Variants in INVS observed in about 807,000 individuals in gnomAD.
INVS encodes inversion of embryo turning homolog.
A neutral mutation model predicts 108.8 loss-of-function variants in INVS; 86 were observed. That is an observed-to-expected ratio of 0.79 (90% CI 0.66 to 0.95). The LOEUF (loss-of-function observed/expected upper bound fraction) is 0.95, where lower values mean the gene tolerates loss of function less well. Ranked by LOEUF, INVS falls within the 40% of genes least tolerant of loss-of-function variation. The pLI, the probability that INVS is intolerant of heterozygous loss-of-function variation, is 0.00. For missense variants in INVS, 1,169 were observed against 1,297.4 expected (o/e 0.90, Z 1.52); for synonymous variants, 455 against 473.5 (o/e 0.96, Z 0.51).
At chr9:100,134,189 T>C (rs1828150070) in intron 3 of INVS, among the ~76,000 whole-genome samples, 2 of 152,114 alleles carry the variant, frequency 1.3e-5, no homozygotes, top group Admixed American at 6.5e-5. Flanking sequence ...GAACATATGA[T>C]GTTTGGTTTT....
chr9:100,148,882 A>T (rs1200325626), intron 3 of INVS, among the ~76,000 whole-genome samples: 1 of 152,190 alleles, frequency 6.6e-6, no homozygotes, highest in African/African-American at 2.4e-5. Flanking sequence ...TATGAAAACA[A>T]CTTTAGATCT....
intron 9 of INVS, 108 bp from the exon 10 acceptor site, chr9:100,252,799 T>C (rs1832279351): frequency 2.5e-6 from 2 of 795,220 alleles, no homozygotes; most frequent in Non-Finnish European, 4.3e-6. Context: ...GTTTTTCTTC[T>C]ATTCATTTTA....
chr9:100,112,819 G>A (rs1393814803), intron 2 of INVS, among the ~76,000 whole-genome samples: 3 of 152,224 alleles, frequency 2.0e-5, no homozygotes, highest in African/African-American at 7.2e-5. Flanking sequence ...CAGAATGTGA[G>A]ATGGCCTCTG....
At chr9:100,139,840 G>A (rs1014282817) in intron 3 of INVS, among the ~76,000 whole-genome samples, 1 of 152,010 alleles carries the variant, frequency 6.6e-6, no homozygotes, top group South Asian at 2.1e-4. Context: ...CAGGGGTTTC[G>A]CCTTATTGCC....
At chr9:100,198,398 A>G (rs900817516) in intron 3 of INVS, among the ~76,000 whole-genome samples, 1 of 145,358 alleles carries the variant, frequency 6.9e-6, no homozygotes, top group African/African-American at 2.6e-5. Flanking sequence ...CCCGAGTTCA[A>G]GCGATTCTCC....
intron 3 of INVS, among the ~76,000 whole-genome samples, chr9:100,213,635 C>G (rs753167545): frequency 2.0e-5 from 3 of 152,072 alleles, no homozygotes; most frequent in Non-Finnish European, 1.5e-5. Context: ...TACGAGACTC[C>G]GCAGTCAGAG....
chr9:100,198,573 G>A (rs1404861069), intron 3 of INVS, among the ~76,000 whole-genome samples: 1 of 150,986 alleles, frequency 6.6e-6, no homozygotes, highest in African/African-American at 2.4e-5. Context: ...TTACAGACAT[G>A]AAGATGTGAG....
intron 3 of INVS, among the ~76,000 whole-genome samples, chr9:100,173,962 ATCTGCCTG>A (rs1588060559): frequency 6.6e-6 from 1 of 152,346 alleles, no homozygotes; most frequent in East Asian, 1.9e-4. Context: ...CAGCCAAGGT[ATCTGCCTG>A]CTAAAACAAA....
intron 1 of INVS, among the ~76,000 whole-genome samples, chr9:100,101,085 C>CAT (rs1048343895): frequency 5.7e-5 from 7 of 123,334 alleles, no homozygotes; most frequent in African/African-American, 1.3e-4. Context: ...CACACACACA[C>CAT]ATATATATAA....
intron 10 of INVS, among the ~76,000 whole-genome samples, chr9:100,253,409 G>T (rs1211287937): frequency 8.5e-6 from 1 of 117,256 alleles, no homozygotes; most frequent in Non-Finnish European, 2.0e-5. Context: ...ATAAATATAT[G>T]ATTTTCTTTT....
rs1015507237 is a variant in INVS at position 100,264,823 on chromosome 9, G to A, written c.1466G>A (p.Gly489Glu). Residue 489 changes from glycine to glutamate, a missense_variant and splice_region_variant, in exon 11 of 17, where the codon GGA (glycine) becomes GAA (glutamate). This residue lies in a region of INVS where 271 missense variants were observed against 363.8 expected (regional missense o/e 0.74). Transcript: ENST00000262457. ...CTTGATTTTTGTTTATGCTTATAGG[G>A]AAGAACAGCTTTGCATTGGTCCTGC... ...NADPNIQDKE[G>E]RTALHWSCNN... The A allele has an allele frequency of 1.8e-5, 29 of 1,608,644 alleles. No individual in the cohort carries two copies. The highest frequency in any genetic ancestry group is 2.5e-5 in the Non-Finnish European group (29 of 1,175,248).
At chr9:100,175,656 A>G in intron 3 of INVS, 1 of 646,846 alleles carries the variant, frequency 1.5e-6, no homozygotes. Context: ...CTGAGCACCT[A>G]CCTACCCCAG....
intron 3 of INVS, among the ~76,000 whole-genome samples, chr9:100,180,306 A>G (rs1158444913): frequency 6.6e-6 from 1 of 151,058 alleles, no homozygotes; most frequent in Non-Finnish European, 1.5e-5. Context: ...AGATAGAGAC[A>G]CGAAAAACCC....
chr9:100,289,840 C>A (rs760467037), intron 13 of INVS, among the ~76,000 whole-genome samples: 39 of 152,158 alleles, frequency 2.6e-4, no homozygotes, highest in Admixed American at 2.6e-3. Context: ...CCCTGTGCAG[C>A]TTGTATGGAC....
intron 13 of INVS, among the ~76,000 whole-genome samples, chr9:100,285,697 T>G (rs1169683029): frequency 6.6e-6 from 1 of 152,202 alleles, no homozygotes; most frequent in Admixed American, 6.5e-5. Context: ...TGCAATAAAT[T>G]GTAACAACCA....
At chr9:100,150,581 G>A (rs567356328) in intron 3 of INVS, among the ~76,000 whole-genome samples, 10 of 151,964 alleles carry the variant, frequency 6.6e-5, no homozygotes, top group African/African-American at 1.5e-4. Context: ...AATTAATTTT[G>A]TATATAACAT....
intron 3 of INVS, among the ~76,000 whole-genome samples, chr9:100,221,695 A>T (rs1441458643): frequency 6.6e-6 from 1 of 152,124 alleles, no homozygotes; most frequent in Non-Finnish European, 1.5e-5. Context: ...TGAAAAAAAA[A>T]AATCAGACAA....
intron 3 of INVS, among the ~76,000 whole-genome samples, chr9:100,168,330 C>T (rs553139492): frequency 2.6e-5 from 4 of 152,258 alleles, no homozygotes; most frequent in African/African-American, 9.6e-5. Context: ...AACAGAACAT[C>T]AAGCTTGAGC....
At chr9:100,223,219 C>G (rs1030576181) in intron 3 of INVS, among the ~76,000 whole-genome samples, 4 of 151,828 alleles carry the variant, frequency 2.6e-5, no homozygotes, top group Non-Finnish European at 4.4e-5. Flanking sequence ...CTCACCCTCC[C>G]GAGTAGCTGG....
Sources: allele counts gnomAD v4.1 joint callset (sites outside exome capture counted in the v4.1 genomes callset), GRCh38; gene constraint gnomAD v4.1.1; regional missense constraint gnomAD v4.1.1; transcripts MANE v1.5; gene names NCBI Gene and HGNC (gene_info 2026-07-23, HGNC 2026-07-21).